HMCN1: variants seen among roughly 807,000 people sequenced by gnomAD.
HMCN1 encodes the protein hemicentin 1.
A neutral mutation model predicts 625.9 loss-of-function variants in HMCN1; 321 were observed. The observed-to-expected ratio is 0.51, with a 90% confidence interval of 0.47 to 0.56. The LOEUF is 0.56. HMCN1 is among the 20% of genes least tolerant of loss of function. The pLI, the probability that HMCN1 is intolerant of heterozygous loss-of-function variation, is 0.00. For missense variants in HMCN1, 6,588 were observed against 6,887.3 expected (o/e 0.96, Z 1.54); for synonymous variants, 2,425 against 2,417.6 (o/e 1.00, Z -0.09).
chr1:185,907,188 A>G (rs530829253), intron 4 of HMCN1, among the ~76,000 whole-genome samples: 31 of 152,110 alleles, frequency 2.0e-4, no homozygotes, highest in African/African-American at 7.5e-4. Context: ...CTGCTTCTTT[A>G]AACAAATATG....
intron 2 of HMCN1, among the ~76,000 whole-genome samples, chr1:185,863,216 C>T (rs1375884427): frequency 6.6e-6 from 1 of 152,176 alleles, no homozygotes; most frequent in Admixed American, 6.5e-5. Context: ...TGCCATAAAG[C>T]CCACATGATC....
At chr1:186,135,803 GATCT>G (rs960776350) in intron 86 of HMCN1, among the ~76,000 whole-genome samples, 71 of 152,040 alleles carry the variant, frequency 4.7e-4, no homozygotes, top group African/African-American at 1.7e-3. Flanking sequence ...GCTTTTGTTT[GATCT>G]ATTATTTCTA....
intron 14 of HMCN1, among the ~76,000 whole-genome samples, chr1:185,968,516 C>T (rs1650581472): frequency 6.6e-6 from 1 of 150,556 alleles, no homozygotes. Flanking sequence ...TAAACATAAT[C>T]CACATAAAAA....
chr1:185,923,189 T>C (rs962111672), intron 7 of HMCN1, among the ~76,000 whole-genome samples: 2 of 152,212 alleles, frequency 1.3e-5, no homozygotes, highest in Non-Finnish European at 1.5e-5. Context: ...GTTAAAATAC[T>C]ATAAAAGTTA....
At chr1:185,891,669 C>T (rs1163796873) in intron 4 of HMCN1, among the ~76,000 whole-genome samples, 1 of 148,086 alleles carries the variant, frequency 6.8e-6, no homozygotes, top group Non-Finnish European at 1.5e-5. Context: ...AGAGTTTCTG[C>T]CGAGAGATCC....
Position 186,070,737 on chromosome 1 carries a change from A to G in HMCN1, c.8119A>G (p.Ser2707Gly), listed in dbSNP as rs766428310. 71 of 1,613,752 alleles carry G rather than the reference A, an allele frequency of 4.4e-5. No individual in the cohort carries two copies. Among genetic ancestry groups the G allele is most frequent in the Non-Finnish European group, 5.9e-5 (70 of 1,179,832 alleles). Residue 2707 changes from serine (S) to glycine (G), a missense_variant, in exon 52 of 107, where the codon AGC becomes GGC. This residue lies in a region of HMCN1 where 4,628 missense variants were observed against 4,853.1 expected (regional missense o/e 0.95). Coordinates refer to ENST00000271588, the MANE Select transcript of HMCN1 (RefSeq NM_031935.3). ...GTATGCAATTCCTTCTGCCTCCCTC[A>G]GCTGGTACAAGGATGGACAGGCCAG... ...EAYAIPSASLSWYKDGQPLKS... is the reference protein window; with the variant it reads ...EAYAIPSASLGWYKDGQPLKS...
At chr1:185,878,278 T>C (rs1011832636) in intron 4 of HMCN1, among the ~76,000 whole-genome samples, 1 of 152,196 alleles carries the variant, frequency 6.6e-6, no homozygotes, top group Non-Finnish European at 1.5e-5. Flanking sequence ...TTCAGTACTA[T>C]GTTGAATAGG....
intron 4 of HMCN1, among the ~76,000 whole-genome samples, chr1:185,871,917 A>T (rs1384912724): frequency 1.3e-5 from 2 of 152,196 alleles, no homozygotes; most frequent in Non-Finnish European, 2.9e-5. Flanking sequence ...TAAAATTAGG[A>T]ATCTGCCATT....
intron 11 of HMCN1, among the ~76,000 whole-genome samples, chr1:185,943,885 A>G (rs1668203716): frequency 6.6e-6 from 1 of 152,198 alleles, no homozygotes; most frequent in African/African-American, 2.4e-5. Flanking sequence ...TTATTAGCAT[A>G]CAAAAGACAC....
intron 105 of HMCN1, among the ~76,000 whole-genome samples, chr1:186,185,020 C>T (rs770556279): frequency 1.3e-5 from 2 of 151,902 alleles, no homozygotes; most frequent in Non-Finnish European, 2.9e-5. Context: ...GGGTAATAGA[C>T]CAGAGACAGA....
chr1:185,952,230 G>C (rs1199504233), intron 11 of HMCN1, among the ~76,000 whole-genome samples: 2 of 151,820 alleles, frequency 1.3e-5, no homozygotes, highest in Non-Finnish European at 2.9e-5. Context: ...GAGGGGGAGG[G>C]CTAGTCACGG....
chr1:185,819,149 A>T (rs1165895585), intron 1 of HMCN1, among the ~76,000 whole-genome samples: 3 of 151,884 alleles, frequency 2.0e-5, no homozygotes, highest in African/African-American at 7.3e-5. Flanking sequence ...AAGTAGGAGA[A>T]TCACTTGAAA....
intron 82 of HMCN1, among the ~76,000 whole-genome samples, chr1:186,127,426 C>T (rs1451137764): frequency 2.0e-5 from 3 of 152,006 alleles, no homozygotes; most frequent in African/African-American, 7.2e-5. Flanking sequence ...TGAGCCTTCT[C>T]GCTTGCCACC....
chr1:185,990,222 TG>T (rs1652326275), intron 21 of HMCN1, 52 bp from the exon 22 acceptor site: 1 of 1,481,958 alleles, frequency 6.7e-7, no homozygotes, highest in Non-Finnish European at 9.4e-7. Context: ...TAAATTAAAC[TG>T]TGCTTTGTTT....
In HMCN1 at chr1:185,982,342, G is replaced by A; in HGVS notation, c.2743G>A (p.Ala915Thr). ...QQLTLPCTLLAGNPIPERRWI... is the reference protein window; with the variant it reads ...QQLTLPCTLLTGNPIPERRWI... ...GCTTACTTTGCCCTGTACTCTGTTA[G>A]CTGGAAATCCCATTCCAGAACGTCG... is the stretch of plus-strand genomic sequence containing the variant. The change falls in exon 18 of 107, where the codon GCT becomes ACT. Residue 915 changes from alanine to threonine, a missense_variant. By Grantham distance (58) the Ala-to-Thr change is moderately conservative. This residue lies in a region of HMCN1 where 4,628 missense variants were observed against 4,853.1 expected (regional missense o/e 0.95). Coordinates refer to ENST00000271588, the MANE Select transcript of HMCN1 (RefSeq NM_031935.3). 1.9e-6 allele frequency: 3 copies of A among 1,613,602 alleles called. No individual in the cohort carries two copies. Among genetic ancestry groups the A allele is most frequent in the Non-Finnish European group, 1.7e-6 (2 of 1,179,608 alleles).
At chr1:186,039,055 A>G in intron 38 of HMCN1, 50 bp downstream of exon 38, 1 of 1,204,774 alleles carries the variant, frequency 8.3e-7, no homozygotes, top group Non-Finnish European at 1.2e-6. Flanking sequence ...AGCATTCAAA[A>G]TGATTAAGTG....
chr1:186,003,212 T>C (rs1296947033), intron 28 of HMCN1, among the ~76,000 whole-genome samples: 1 of 152,170 alleles, frequency 6.6e-6, no homozygotes, highest in African/African-American at 2.4e-5. Context: ...TTTAATAAGC[T>C]TGATAATCCT....
chr1:185,744,816 C>A (rs1318512744), intron 1 of HMCN1, among the ~76,000 whole-genome samples: 1 of 152,118 alleles, frequency 6.6e-6, no homozygotes, highest in African/African-American at 2.4e-5. Context: ...ATCCTGAAAG[C>A]TATCAGGAGC....
intron 5 of HMCN1, among the ~76,000 whole-genome samples, chr1:185,910,321 CA>C (rs1666341339): frequency 6.6e-6 from 1 of 152,148 alleles, no homozygotes; most frequent in South Asian, 2.1e-4. Context: ...ATTTACAAGA[CA>C]AATACAACGT....
Sources: allele counts gnomAD v4.1 joint callset (sites outside exome capture counted in the v4.1 genomes callset), GRCh38; gene constraint gnomAD v4.1.1; regional missense constraint gnomAD v4.1.1; transcripts MANE v1.5; gene names NCBI Gene and HGNC (gene_info 2026-07-23, HGNC 2026-07-21).